The following CSMD1 variants were observed in gnomAD, a reference collection of about 807,000 sequenced individuals.
The protein encoded by CSMD1 is CUB and sushi domain-containing protein 1.
Under a neutral mutation model 417.5 loss-of-function variants are expected in CSMD1, and 213 were observed. That is an observed-to-expected ratio of 0.51 (90% CI 0.46 to 0.57). The LOEUF (loss-of-function observed/expected upper bound fraction) is 0.57. Ranked by LOEUF, CSMD1 falls within the 20% of genes least tolerant of loss-of-function variation. CSMD1 has a pLI of 0.00. For missense variants in CSMD1, 6,923 were observed against 4,529.7 expected (o/e 1.53, Z -15.17); for synonymous variants, 2,862 against 1,736.8 (o/e 1.65, Z -16.11).
At chr8:4,349,949 A>G (rs1363418905) in intron 3 of CSMD1, among the ~76,000 whole-genome samples, 1 of 152,142 alleles carries the variant, frequency 6.6e-6, no homozygotes, top group Non-Finnish European at 1.5e-5. Flanking sequence ...ACTTTAACAA[A>G]ACAAATGTAT....
intron 3 of CSMD1, among the ~76,000 whole-genome samples, chr8:4,110,482 G>T (rs928420772): frequency 1.3e-5 from 2 of 152,054 alleles, no homozygotes; most frequent in Non-Finnish European, 2.9e-5. Flanking sequence ...TCCAAGAAAT[G>T]TTAACTTTTC....
intron 2 of CSMD1, among the ~76,000 whole-genome samples, chr8:4,618,460 C>A (rs1801599473): frequency 6.6e-6 from 1 of 151,482 alleles, no homozygotes; most frequent in African/African-American, 2.4e-5. Context: ...GGACCTAAGG[C>A]CTATTTTATA....
chr8:3,490,465 C>T (rs1369133720), intron 11 of CSMD1, among the ~76,000 whole-genome samples: 1 of 152,070 alleles, frequency 6.6e-6, no homozygotes, highest in Non-Finnish European at 1.5e-5. Flanking sequence ...AGTTATTTAA[C>T]AATTTTTCTC....
chr8:3,351,619 G>C (rs1363256324), intron 21 of CSMD1, among the ~76,000 whole-genome samples: 1 of 145,510 alleles, frequency 6.9e-6, no homozygotes, highest in Admixed American at 6.9e-5. Flanking sequence ...AAAAAGAAAA[G>C]AAAAGAAAGG....
intron 31 of CSMD1, among the ~76,000 whole-genome samples, chr8:3,204,914 T>A (rs1380471405): frequency 6.6e-6 from 1 of 152,184 alleles, no homozygotes; most frequent in African/African-American, 2.4e-5. Context: ...ATAAATGAAG[T>A]GCAGAGCGAC....
chr8:4,680,768 C>T (rs1343504722), intron 1 of CSMD1, among the ~76,000 whole-genome samples: 2 of 151,920 alleles, frequency 1.3e-5, no homozygotes, highest in Non-Finnish European at 2.9e-5. Flanking sequence ...TTAGTAGAGA[C>T]GAGGTTTCAC....
chr8:3,367,738 T>C lies in CSMD1; in HGVS notation c.2900-491A>G, dbSNP rs188029352. Among the ~76,000 whole-genome samples the C allele has an allele frequency of 3.4e-3, 512 of 152,198 alleles. 2 individuals are homozygous for C. The highest frequency in any genetic ancestry group is 6.3e-3 in the Non-Finnish European group (430 of 68,016). Reference sequence around the variant, plus strand: ...GATGTGGACATCAATATTGAGGAAATATGGAGATTATAGATGTAGTTATAT... The same window carrying C: ...GATGTGGACATCAATATTGAGGAAACATGGAGATTATAGATGTAGTTATAT... On this transcript the variant is annotated intron_variant, in intron 19 of 69. Coordinates refer to ENST00000635120, the MANE Select transcript of CSMD1 (RefSeq NM_033225.6).
chr8:3,842,007 T>C (rs955299074), intron 5 of CSMD1, among the ~76,000 whole-genome samples: 1 of 152,204 alleles, frequency 6.6e-6, no homozygotes, highest in Admixed American at 6.5e-5. Context: ...AATTTGTATA[T>C]CGAGTTAAAA....
intron 3 of CSMD1, among the ~76,000 whole-genome samples, chr8:4,128,945 A>G (rs1279880539): frequency 6.6e-6 from 1 of 152,090 alleles, no homozygotes; most frequent in African/African-American, 2.4e-5. Flanking sequence ...GCATGGTGGC[A>G]TGTGCCTGTA....
chr8:3,000,828 C>A (rs1366203917), intron 52 of CSMD1, among the ~76,000 whole-genome samples: 6 of 152,054 alleles, frequency 3.9e-5, no homozygotes, highest in African/African-American at 1.5e-4. Context: ...CAGGAAGGAG[C>A]GCGAGATCGC....
chr8:4,557,018 A>G (rs139880345), intron 2 of CSMD1, among the ~76,000 whole-genome samples: 4 of 152,280 alleles, frequency 2.6e-5, no homozygotes, highest in African/African-American at 9.6e-5. Context: ...ATTAAGCAAC[A>G]TTTTTCAAGT....
intron 5 of CSMD1, among the ~76,000 whole-genome samples, chr8:3,861,732 T>C (rs116963785): frequency 0.038 from 5,738 of 152,330 alleles, 108 homozygotes; most frequent in Middle Eastern, 0.068. Context: ...TTGTCTGCTA[T>C]AAAGATTTTA....
At chr8:3,366,972 A>C (rs1809615920) in intron 20 of CSMD1, 60 bp downstream of exon 20, 1 of 1,287,198 alleles carries the variant, frequency 7.8e-7, no homozygotes, top group Admixed American at 1.9e-5. Flanking sequence ...ACACATTCTC[A>C]CTAACAGAAA....
chr8:3,436,296 G>C (rs1446718663), intron 12 of CSMD1, among the ~76,000 whole-genome samples: 1 of 152,142 alleles, frequency 6.6e-6, no homozygotes. Flanking sequence ...CCATATCAGA[G>C]GTACAAAAAG....
chr8:4,715,073 A>G (rs1188569664), intron 1 of CSMD1, among the ~76,000 whole-genome samples: 2 of 152,198 alleles, frequency 1.3e-5, no homozygotes, highest in African/African-American at 4.8e-5. Context: ...AGTCCAGATA[A>G]TTATCCAAAA....
Position 4,855,023 on chromosome 8 carries a change from G to C in CSMD1, c.85+139309C>G, listed in dbSNP as rs368904261. ...AGACTTAAATGTCCCTGTCTGACAG[G>C]TTTGAAGAGAGCAGTGGTTCTCCCA... On this transcript the variant is annotated intron_variant, in intron 1 of 69. Coordinates refer to ENST00000635120, the MANE Select transcript of CSMD1 (RefSeq NM_033225.6). 2.6e-4 allele frequency among the ~76,000 whole-genome samples: 40 copies of C among 152,198 alleles called. No individual in the cohort carries two copies. The East Asian group carries it at 4.5e-3, about 17-fold the overall frequency.
chr8:3,162,256 T>C lies in CSMD1; in HGVS notation c.5747A>G (p.Gln1916Arg), dbSNP rs763253802. 1 of 1,608,922 alleles carries C rather than the reference T, an allele frequency of 6.2e-7. No homozygotes were observed. Among genetic ancestry groups the C allele is most frequent in the East Asian group, 2.2e-5 (1 of 44,806 alleles). The stretch of plus-strand genomic sequence containing the variant: ...GCTGTTGCTGGGGAGGGCTGGTTCT[T>C]GGCATGCAGCAAGACCTACAGCTAG... Reference protein sequence around the residue: ...EYKTVGLAACQEPALPSNSIK... With the variant: ...EYKTVGLAACREPALPSNSIK... Residue 1916 changes from glutamine to arginine, a missense_variant, in exon 38 of 70, where the codon CAA (glutamine) becomes CGA (arginine). Gln to Arg is a conservative substitution (Grantham distance 43). Coordinates refer to ENST00000635120, the MANE Select transcript of CSMD1 (RefSeq NM_033225.6).
chr8:4,920,682 C>T (rs766378599), intron 1 of CSMD1, among the ~76,000 whole-genome samples: 7 of 151,548 alleles, frequency 4.6e-5, no homozygotes, highest in African/African-American at 1.2e-4. Flanking sequence ...AATAGCCATG[C>T]GTGGGTGGTG....
chr8:3,523,231 G>A (rs1392396401), intron 10 of CSMD1, among the ~76,000 whole-genome samples: 3 of 152,126 alleles, frequency 2.0e-5, no homozygotes, highest in Admixed American at 6.5e-5. Context: ...ATGGATCATA[G>A]TAAGACCTAA....
Sources: allele counts gnomAD v4.1 joint callset (sites outside exome capture counted in the v4.1 genomes callset), GRCh38; gene constraint gnomAD v4.1.1; transcripts MANE v1.5; gene names NCBI Gene and HGNC (gene_info 2026-07-23, HGNC 2026-07-21).